ADGRL1: variants seen among roughly 807,000 people sequenced by gnomAD.
ADGRL1 encodes the protein CIRL-1.
A neutral mutation model predicts 148.9 loss-of-function variants in ADGRL1; 31 were observed. The observed-to-expected ratio is 0.21, with a 90% CI of 0.16 to 0.28. The LOEUF (loss-of-function observed/expected upper bound fraction) is 0.28. ADGRL1 is among the 10% of genes least tolerant of loss of function. ADGRL1 has a pLI of 1.00. For synonymous variants in ADGRL1, 937 were observed against 900.3 expected, an observed-to-expected ratio of 1.04 and a Z score of -0.73; for missense variants, 1,521 against 2,058.8, an observed-to-expected ratio of 0.74 and a Z score of 5.05.
Position 14,161,534 on chromosome 19 carries a change from G to T in ADGRL1, c.1288C>A (p.Arg430Ser). 1 of 1,448,748 alleles carries T rather than the reference G, an allele frequency of 6.9e-7. No individual in the cohort carries two copies. The highest frequency in any genetic ancestry group is 2.7e-5 in the East Asian group (1 of 37,436). 89.7% of individuals were successfully genotyped at this position (1,448,748 alleles called of 1,614,324 possible). A position where few individuals can be genotyped will look rare whatever the true frequency, so the allele number is the denominator to read the frequency against. Residue 430 changes from arginine to serine, a missense_variant, in exon 6 of 23, where the codon CGC becomes AGC. Physicochemically the swap from Arg to Ser is moderately radical, Grantham distance 110. This residue lies in a region of ADGRL1 where 270 missense variants were observed against 320.4 expected (regional missense o/e 0.84). Transcript: ENST00000361434. The surrounding 1 kb of genome is among the most constrained non-coding windows in gnomAD (Gnocchi z 4.4). ...TASPAATTPL[R>S]RAPLTTHPVG... ...GGGTGCGTGGTGAGGGGTGCCCGGC[G>T]GAGCGGGGTGGTGGCTGCGGGCGAG...
rs533029955 is a variant in ADGRL1 at position 14,187,325 on chromosome 19, C to T, written c.-95-3628G>A. On this transcript the variant is annotated intron_variant, in intron 1 of 22. Coordinates refer to ENST00000361434, the MANE Select transcript of ADGRL1 (RefSeq NM_014921.5). ...TTGCACTCCAGCCTGGGCAACAGAG[C>T]CAGACTGTCTCAAAAATAAATAAAT... 3.9e-5 allele frequency among the ~76,000 whole-genome samples: 6 copies of T among 152,274 alleles called. No individual in the cohort carries two copies. In the East Asian group the frequency reaches 1.2e-3, roughly 29 times the overall value.
At position 14,150,554 on chromosome 19, in the gene ADGRL1, A is replaced by G; in HGVS notation, c.*319T>C. ...CCTTCACAGGGTAGAAGGGTGGGAG[A>G]GGGGAGAGTCTGGAAGTGGGCTGCA... On this transcript the variant is annotated 3_prime_UTR_variant, in exon 23 of 23. Coordinates refer to ENST00000361434, the MANE Select transcript of ADGRL1 (RefSeq NM_014921.5). The G allele has an allele frequency of 2.9e-6, 1 of 345,408 alleles. No homozygotes were observed. Among genetic ancestry groups the G allele is most frequent in the Non-Finnish European group, 5.3e-6 (1 of 187,970 alleles). The allele number at this position is 345,408 out of a possible 1,614,324, so 21.4% of individuals were successfully genotyped here.
At chr19:14,179,649 G>A (rs1971056591) in intron 2 of ADGRL1, among the ~76,000 whole-genome samples, 1 of 152,000 alleles carries the variant, frequency 6.6e-6, no homozygotes, top group East Asian at 1.9e-4. Flanking sequence ...GCTCACACCT[G>A]TAATCCCAGG....
rs766476412 is a variant in ADGRL1 at position 14,160,740 on chromosome 19, A to T, written c.1511-44T>A. The T allele has an allele frequency of 1.1e-5, 12 of 1,140,486 alleles. No individual in the cohort carries two copies. Among genetic ancestry groups the T allele is most frequent in the African/African-American group, 1.5e-5 (1 of 65,968 alleles). 70.6% of individuals were successfully genotyped at this position (1,140,486 alleles called of 1,614,324 possible). A position where few individuals can be genotyped will look rare whatever the true frequency, so the allele number is the denominator to read the frequency against. ...AGGAACAGACAAGGGAGCCAAAGGG[A>T]AGAAGAGAAGGATGGGACAGAGAGG... On this transcript the variant is annotated intron_variant, in intron 6 of 22. Coordinates refer to ENST00000361434, the MANE Select transcript of ADGRL1 (RefSeq NM_014921.5). The surrounding 1 kb of genome is among the most constrained non-coding windows in gnomAD (Gnocchi z 5.9).
rs545873355 is a variant in ADGRL1, at chr19:14,150,354, G to C, written c.*519C>G. The C allele has an allele frequency of 6.5e-6, 1 of 153,744 alleles. No homozygotes were observed. The highest frequency in any genetic ancestry group is 6.5e-5 in the Admixed American group (1 of 15,402). 9.5% of individuals were successfully genotyped at this position (153,744 alleles called of 1,614,324 possible). On this transcript the variant is annotated 3_prime_UTR_variant, in exon 23 of 23. Transcript: ENST00000361434. ...CCTTTTCCCAGTCTCCAGGGAGCAG[G>C]GAATTACAGCGCAGGAGGAACCTGT...
chr19:14,156,277 G>T, intron 16 of ADGRL1, 76 bp from the exon 17 acceptor site: 2 of 1,196,766 alleles, frequency 1.7e-6, no homozygotes, highest in Non-Finnish European at 2.5e-6. Flanking sequence ...CTAGGGCCCA[G>T]CCTGGCGAAA....
chr19:14,187,819 A>G (rs1971680722), intron 1 of ADGRL1, among the ~76,000 whole-genome samples: 1 of 151,984 alleles, frequency 6.6e-6, no homozygotes, highest in Non-Finnish European at 1.5e-5. Context: ...CTGCCCAGCC[A>G]CAGAAAGGTT....
chr19:14,201,324 G>T lies in ADGRL1; in HGVS notation c.-96+4661C>A, dbSNP rs55972533. ...TTTGTTTTTTTTTTTTGGCGGGGTG[G>T]GGGGGGGCAAGGTTATTTTTGGCCT... On this transcript the variant is annotated intron_variant, in intron 1 of 22. Coordinates refer to ENST00000361434, the MANE Select transcript of ADGRL1 (RefSeq NM_014921.5). Among the ~76,000 whole-genome samples, 425 of 137,702 alleles carry T rather than the reference G, an allele frequency of 3.1e-3. 15 individuals are homozygous for T. The highest frequency in any genetic ancestry group is 0.011 in the African/African-American group (404 of 35,746). The allele number at this position is 137,702 out of a possible 152,430, so 90.3% of individuals were successfully genotyped here.
intron 4 of ADGRL1, 59 bp from the exon 5 acceptor site, chr19:14,163,465 G>GGAGAGGGA (rs1555785180): frequency 3.0e-5 from 21 of 702,288 alleles, no homozygotes; most frequent in African/African-American, 9.3e-5. Flanking sequence ...GCGAGAGGGA[G>GGAGAGGGA]GAGAGAGAGA....
rs1255880861 is a variant in ADGRL1, at chr19:14,151,470, A to G, written c.3813T>C (p.Asp1271=). 3 of 1,612,482 alleles carry G rather than the reference A, an allele frequency of 1.9e-6. No individual in the cohort carries two copies. Among genetic ancestry groups the G allele is most frequent in the Non-Finnish European group, 2.5e-6 (3 of 1,179,608 alleles). ...TGATCATCTTCTCAAAGGCCGCCGC[A>G]TCGGCTAGGTTCCGGCCTCGGGGCG... ...PEPPRGRNLA[D]AAAFEKMIIS... Residue 1271 remains aspartate (D), a synonymous_variant, in exon 23 of 23, where the codon GAT becomes GAC. Coordinates refer to ENST00000361434, the MANE Select transcript of ADGRL1 (RefSeq NM_014921.5).
Position 14,152,163 on chromosome 19 carries a change from G to A in ADGRL1, c.3650-13C>T, listed in dbSNP as rs780023137. 1.9e-6 allele frequency: 3 copies of A among 1,614,086 alleles called. No homozygotes were observed. The highest frequency in any genetic ancestry group is 2.2e-5 in the South Asian group (2 of 91,088). The stretch of plus-strand genomic sequence containing the variant: ...TCCCGGTAGCTCCCTGCAGGTGGCA[G>A]CCAGAAGAGAGAAGAGAAAAGGCAA... On this transcript the variant is annotated splice_polypyrimidine_tract_variant and intron_variant, in intron 21 of 22. Coordinates refer to ENST00000361434, the MANE Select transcript of ADGRL1 (RefSeq NM_014921.5). The surrounding 1 kb of genome is among the most constrained non-coding windows in gnomAD (Gnocchi z 6.1).
In ADGRL1 at chr19:14,177,643, C is replaced by A. The variant is rs767952552; in HGVS notation, c.172G>T (p.Val58Leu). 1 of 1,614,250 alleles carries A rather than the reference C, an allele frequency of 6.2e-7. No homozygotes were observed. The highest frequency in any genetic ancestry group is 1.1e-5 in the South Asian group (1 of 91,086). The change falls in exon 3 of 23, where the codon GTG (valine) becomes TTG (leucine). Residue 58 changes from valine (V) to leucine (L), a missense_variant. Transcript: ENST00000361434. ...GTGCGCCCGTAGTTGGCATTCTCCA[C>A]CATGATGACGTCGCTGCCGGGGCAC... ...LRCPGSDVIM[V>L]ENANYGRTDD...
At chr19:14,166,912 G>A (rs1970027710) in intron 4 of ADGRL1, 1 of 1,214,808 alleles carries the variant, frequency 8.2e-7, no homozygotes, top group African/African-American at 1.5e-5. Context: ...ACCAAGTGTG[G>A]GTTGGGGAGA....
rs543867275 is a variant in ADGRL1, at chr19:14,161,110, G to A, written c.1510+202C>T. ...GGCCGGGAGCCAGGTCACCTCCTGC[G>A]GACTCCCTGCAGGTTCTGCAGGTGG... On this transcript the variant is annotated intron_variant, in intron 6 of 22. Transcript: ENST00000361434. The surrounding 1 kb of genome is among the most constrained non-coding windows in gnomAD (Gnocchi z 4.4). Among the ~76,000 whole-genome samples, 8 of 152,110 alleles carry A rather than the reference G, an allele frequency of 5.3e-5. No individual in the cohort carries two copies. The highest frequency in any genetic ancestry group is 9.7e-5 in the African/African-American group (4 of 41,420).
Position 14,160,436 on chromosome 19 carries a change from C to G in ADGRL1, c.1615-139G>C. On this transcript the variant is annotated intron_variant, in intron 7 of 22. Transcript: ENST00000361434. This position sits in a 1 kb window ranked among gnomAD's most constrained non-coding sequence, Gnocchi z 5.9. ...CGCCATCTGCCCCTTCCCACCCCATCTGTCCCTGCTCCCTTTGTAGGCCAG... is the reference window on the plus strand; with the variant it reads ...CGCCATCTGCCCCTTCCCACCCCATGTGTCCCTGCTCCCTTTGTAGGCCAG... 1.1e-6 allele frequency: 1 copy of G among 941,136 alleles called. No individual in the cohort carries two copies. Among genetic ancestry groups the G allele is most frequent in the Non-Finnish European group, 1.6e-6 (1 of 637,646 alleles). The allele number at this position is 941,136 out of a possible 1,614,324, so 58.3% of individuals were successfully genotyped here. A position where few individuals can be genotyped will look rare whatever the true frequency, so the allele number is the denominator to read the frequency against.
chr19:14,186,507 T>G (rs759013949), intron 1 of ADGRL1, among the ~76,000 whole-genome samples: 1 of 152,152 alleles, frequency 6.6e-6, no homozygotes, highest in Non-Finnish European at 1.5e-5. Context: ...GCAACTCCTG[T>G]GGGCTCTGCC....
At chr19:14,197,436 C>T (rs1290795317) in intron 1 of ADGRL1, among the ~76,000 whole-genome samples, 3 of 151,902 alleles carry the variant, frequency 2.0e-5, no homozygotes, top group Non-Finnish European at 2.9e-5. Flanking sequence ...GAGGTCAGAA[C>T]GATCTTTGCA....
At chr19:14,204,736 GA>G (rs1972860842) in intron 1 of ADGRL1, among the ~76,000 whole-genome samples, 7 of 149,108 alleles carry the variant, frequency 4.7e-5, no homozygotes, top group Non-Finnish European at 7.5e-5. Flanking sequence ...GAGAGAGAGA[GA>G]GAGACAGACA....
rs1447333578 is a variant in ADGRL1, at chr19:14,156,193, C to G, written c.3042G>C (p.Leu1014=). The G allele has an allele frequency of 2.5e-6, 4 of 1,611,894 alleles. No individual in the cohort carries two copies. The highest frequency in any genetic ancestry group is 3.4e-6 in the Non-Finnish European group (4 of 1,179,510). The change falls in exon 17 of 23, where the codon CTG becomes CTC. Residue 1014 remains leucine, a synonymous_variant. Coordinates refer to ENST00000361434, the MANE Select transcript of ADGRL1 (RefSeq NM_014921.5). ...GPVSFVIVVN[L]VFLMVTLHKM... is the part of the protein sequence containing the mutation. ...TGTGCAGGGTCACCATGAGGAACAC[C>G]AGGTTGACCTGGGGGCGGGACAAGG...
Sources: allele counts gnomAD v4.1 joint callset (sites outside exome capture counted in the v4.1 genomes callset), GRCh38; gene constraint gnomAD v4.1.1; regional missense constraint gnomAD v4.1.1; non-coding constraint Gnocchi (gnomAD v3.1); transcripts MANE v1.5; gene names NCBI Gene and HGNC (gene_info 2026-07-23, HGNC 2026-07-21).